Variants in TGFBR3 observed in about 807,000 individuals in gnomAD.
TGFBR3 encodes the protein transforming growth factor beta receptor type 3.
Under a neutral mutation model 87.9 loss-of-function variants are expected in TGFBR3, and 46 were observed. The ratio of observed to expected loss-of-function variants is 0.52; its 90% CI spans 0.41 to 0.67. TGFBR3 has a LOEUF of 0.67. Ranked by LOEUF, TGFBR3 falls within the 30% of genes least tolerant of loss-of-function variation. The pLI, the probability that TGFBR3 is intolerant of heterozygous loss-of-function variation, is 0.00. For synonymous variants in TGFBR3, 381 were observed against 391.6 expected (o/e 0.97, Z 0.32); for missense variants, 866 against 1,041.9 (o/e 0.83, Z 2.32).
intron 16 of TGFBR3, among the ~76,000 whole-genome samples, chr1:91,691,386 T>G (rs1671260269): frequency 6.6e-6 from 1 of 151,898 alleles, no homozygotes; most frequent in Non-Finnish European, 1.5e-5. Context: ...AAAAAACAGG[T>G]TATATACAAA....
chr1:91,792,561 C>T (rs1382400387), intron 3 of TGFBR3, among the ~76,000 whole-genome samples: 2 of 152,192 alleles, frequency 1.3e-5, no homozygotes, highest in Non-Finnish European at 2.9e-5. Flanking sequence ...AGAAAAGACA[C>T]ACCACCACAT....
At chr1:91,692,797 C>T (rs777580969) in intron 16 of TGFBR3, among the ~76,000 whole-genome samples, 2 of 152,330 alleles carry the variant, frequency 1.3e-5, no homozygotes. Context: ...GAGTAACACA[C>T]ATTCCAGGTA....
intron 3 of TGFBR3, among the ~76,000 whole-genome samples, chr1:91,767,982 G>A (rs1200867239): frequency 6.6e-6 from 1 of 152,090 alleles, no homozygotes; most frequent in Non-Finnish European, 1.5e-5. Context: ...GGAGGCCAAG[G>A]CAGGAGGATC....
intron 6 of TGFBR3, among the ~76,000 whole-genome samples, chr1:91,729,050 AC>A: frequency 8.8e-6 from 1 of 113,396 alleles, no homozygotes; most frequent in African/African-American, 3.5e-5. Flanking sequence ...ACACACACAC[AC>A]ACACACACAC....
intron 13 of TGFBR3, among the ~76,000 whole-genome samples, chr1:91,710,929 C>A (rs539993095): frequency 1.3e-5 from 2 of 152,316 alleles, no homozygotes; most frequent in South Asian, 2.1e-4. Context: ...ACTCTCTTTA[C>A]GATTAATTTT....
At chr1:91,819,893 T>C (rs1042453868) in intron 2 of TGFBR3, among the ~76,000 whole-genome samples, 3 of 152,220 alleles carry the variant, frequency 2.0e-5, no homozygotes, top group Non-Finnish European at 4.4e-5. Context: ...AAAAACAAAC[T>C]GATCATCAGA....
intron 10 of TGFBR3, 147 bp downstream of exon 10, chr1:91,719,165 T>A: frequency 9.6e-7 from 1 of 1,041,274 alleles, no homozygotes. Flanking sequence ...TCAAAGTACA[T>A]CCATTTTGTT....
At chr1:91,757,215 T>C (rs537094168) in intron 4 of TGFBR3, among the ~76,000 whole-genome samples, 2 of 152,306 alleles carry the variant, frequency 1.3e-5, no homozygotes, top group South Asian at 2.1e-4. Context: ...AGTTATCTTA[T>C]AGAATGTCGT....
chr1:91,881,519 A>C (rs1679072769), intron 1 of TGFBR3, among the ~76,000 whole-genome samples: 1 of 152,172 alleles, frequency 6.6e-6, no homozygotes, highest in African/African-American at 2.4e-5. Flanking sequence ...CCAAGACCAG[A>C]AACCATAGCC....
intron 4 of TGFBR3, among the ~76,000 whole-genome samples, chr1:91,742,783 C>T (rs1019558506): frequency 6.6e-6 from 1 of 152,162 alleles, no homozygotes; most frequent in African/African-American, 2.4e-5. Context: ...ACCCTGGACT[C>T]TCCTGAATGC....
chr1:91,854,916 C>G lies in TGFBR3; in HGVS notation c.61+6555G>C, dbSNP rs549820314. Among the ~76,000 whole-genome samples the G allele has an allele frequency of 5.3e-5, 8 of 152,304 alleles. No individual in the cohort carries two copies. In the South Asian group the frequency reaches 1.7e-3, roughly 32 times the overall value. On this transcript the variant is annotated intron_variant, in intron 2 of 16. Coordinates refer to ENST00000212355, the MANE Select transcript of TGFBR3 (RefSeq NM_003243.5). ...GAAGAAAATAGTGCCTGCCTACCCCCAGAGGCTGCTGTGAGGATCAAATGA... is the reference window on the plus strand; with the variant it reads ...GAAGAAAATAGTGCCTGCCTACCCCGAGAGGCTGCTGTGAGGATCAAATGA...
At chr1:91,887,781 AT>A (rs1400189019), upstream of TGFBR3, among the ~76,000 whole-genome samples, 5 of 151,952 alleles carry the variant, frequency 3.3e-5, no homozygotes, top group Admixed American at 6.6e-5. Flanking sequence ...TCACTGAACC[AT>A]TTTTTTCCTT....
intron 1 of TGFBR3, among the ~76,000 whole-genome samples, chr1:91,882,122 G>C (rs1203721488): frequency 2.1e-5 from 3 of 144,900 alleles, no homozygotes; most frequent in Non-Finnish European, 4.5e-5. Flanking sequence ...CAAAACTACA[G>C]ACAAAAATTG....
intron 2 of TGFBR3, among the ~76,000 whole-genome samples, chr1:91,894,675 T>G (rs377709119): frequency 6.6e-6 from 1 of 152,236 alleles, no homozygotes. Context: ...ACACTGGCTG[T>G]TCCTTCTAAG....
At chr1:91,691,591 G>A (rs751713069) in intron 16 of TGFBR3, among the ~76,000 whole-genome samples, 3 of 152,158 alleles carry the variant, frequency 2.0e-5, no homozygotes, top group South Asian at 4.1e-4. Context: ...AAACATTTGC[G>A]TCCTCTGTAC....
intron 4 of TGFBR3, among the ~76,000 whole-genome samples, chr1:91,751,863 A>G (rs766166465): frequency 2.6e-5 from 4 of 152,202 alleles, no homozygotes; most frequent in Admixed American, 6.5e-5. Flanking sequence ...GATTTGCTGA[A>G]GAGGCAATGC....
Position 91,861,539 on chromosome 1 carries a change from T to C in TGFBR3, c.-8A>G, listed in dbSNP as rs747691680. ...CACATAATGGGAAGTCATTTTTATT[T>C]CTCCAACAGTGCGTCTCGTCCAGTC... On this transcript the variant is annotated 5_prime_UTR_variant, in exon 2 of 17. Transcript: ENST00000212355. 36 of 1,612,350 alleles carry C rather than the reference T, an allele frequency of 2.2e-5. No homozygotes were observed. The highest frequency in any genetic ancestry group is 3.1e-5 in the Non-Finnish European group (36 of 1,178,522).
At chr1:91,833,306 A>C (rs985755062) in intron 2 of TGFBR3, among the ~76,000 whole-genome samples, 10 of 145,562 alleles carry the variant, frequency 6.9e-5, no homozygotes, top group Non-Finnish European at 1.4e-4. Context: ...AAAAAAAAAA[A>C]AAAAAAAAAA....
intron 2 of TGFBR3, among the ~76,000 whole-genome samples, chr1:91,895,430 C>T (rs753948210): frequency 2.0e-5 from 3 of 152,044 alleles, no homozygotes; most frequent in East Asian, 1.9e-4. Flanking sequence ...CCTATACAGC[C>T]TATAGAACCA....
Sources: allele counts gnomAD v4.1 joint callset (sites outside exome capture counted in the v4.1 genomes callset), GRCh38; gene constraint gnomAD v4.1.1; transcripts MANE v1.5; gene names NCBI Gene and HGNC (gene_info 2026-07-23, HGNC 2026-07-21).